The following DNAH7 variants were observed in gnomAD, a reference collection of about 807,000 sequenced individuals.
The protein encoded by DNAH7 is axonemal beta dynein heavy chain 7.
A neutral mutation model predicts 444.6 loss-of-function variants in DNAH7; 397 were observed. The observed-to-expected ratio is 0.89, with a 90% CI of 0.82 to 0.97. The LOEUF (loss-of-function observed/expected upper bound fraction) is 0.97. DNAH7 is among the 50% of genes least tolerant of loss of function. The pLI, the probability that DNAH7 is intolerant of heterozygous loss-of-function variation, is 0.00. For synonymous variants in DNAH7, 1,636 were observed against 1,624.4 expected (o/e 1.01, Z -0.17); for missense variants, 4,902 against 4,800.8 (o/e 1.02, Z -0.62).
chr2:195,782,336 A>C (rs1242983120), intron 58 of DNAH7, among the ~76,000 whole-genome samples: 1 of 152,200 alleles, frequency 6.6e-6, no homozygotes, highest in Non-Finnish European at 1.5e-5. Context: ...ACATGACTCA[A>C]GTATAGCAGT....
Position 195,857,735 on chromosome 2 carries a change from A to T in DNAH7, c.8068-12T>A. ...ACCACTGTAATATCCTTGAAATAACAACGTTAATTATTTTAAAAGACATGT... is the reference window on the plus strand; with the variant it reads ...ACCACTGTAATATCCTTGAAATAACTACGTTAATTATTTTAAAAGACATGT... On this transcript the variant is annotated splice_polypyrimidine_tract_variant and intron_variant, in intron 43 of 64. Transcript: ENST00000312428. 2 of 1,551,480 alleles carry T rather than the reference A, an allele frequency of 1.3e-6. No homozygotes were observed. The highest frequency in any genetic ancestry group is 1.7e-6 in the Non-Finnish European group (2 of 1,150,752).
intron 40 of DNAH7, among the ~76,000 whole-genome samples, chr2:195,865,908 A>G (rs1236567762): frequency 6.6e-6 from 1 of 152,190 alleles, no homozygotes; most frequent in East Asian, 1.9e-4. Flanking sequence ...TCTGTTGGGC[A>G]GCCCTTATAT....
chr2:196,024,599 TTTAAA>T (rs1428812769), intron 7 of DNAH7, 95 bp from the exon 8 acceptor site: 1 of 647,026 alleles, frequency 1.5e-6, no homozygotes, highest in Non-Finnish European at 2.4e-6. Context: ...AGATTAACTG[TTTAAA>T]TTATATTAAA....
intron 35 of DNAH7, 30 bp from the exon 36 acceptor site, chr2:195,882,022 T>C (rs1254029151): frequency 2.5e-6 from 4 of 1,581,102 alleles, no homozygotes; most frequent in Middle Eastern, 1.8e-4. Context: ...AAGTAATGAA[T>C]GCTATAAAAT....
intron 19 of DNAH7, among the ~76,000 whole-genome samples, chr2:195,956,470 G>C (rs1364350679): frequency 6.6e-6 from 1 of 152,078 alleles, no homozygotes; most frequent in Non-Finnish European, 1.5e-5. Context: ...GGCCAACATG[G>C]TGAAACCCCA....
At chr2:195,779,601 T>C (rs16839887) in intron 58 of DNAH7, among the ~76,000 whole-genome samples, 23,400 of 151,968 alleles carry the variant, frequency 0.15, 2,192 homozygotes, top group African/African-American at 0.25. Context: ...ATTAAAGTAT[T>C]GTAGGGTTTT....
chr2:195,954,260 G>A (rs1248784249), intron 19 of DNAH7, among the ~76,000 whole-genome samples: 1 of 152,076 alleles, frequency 6.6e-6, no homozygotes, highest in African/African-American at 2.4e-5. Context: ...TCCCACCTAT[G>A]AGTGAGAACA....
intron 18 of DNAH7, among the ~76,000 whole-genome samples, chr2:195,958,971 A>C (rs1056603392): frequency 1.5e-4 from 23 of 152,124 alleles, no homozygotes; most frequent in Non-Finnish European, 4.4e-5. Context: ...ATTAATAGCA[A>C]CTTCGTTTGA....
At chr2:195,748,043 T>G (rs951914287) in intron 63 of DNAH7, among the ~76,000 whole-genome samples, 1 of 152,118 alleles carries the variant, frequency 6.6e-6, no homozygotes, top group African/African-American at 2.4e-5. Context: ...GGAAGTGAAA[T>G]TGTCCCTGTT....
chr2:195,899,827 C>T (rs1329135362), intron 28 of DNAH7, among the ~76,000 whole-genome samples: 2 of 152,104 alleles, frequency 1.3e-5, no homozygotes, highest in Non-Finnish European at 2.9e-5. Context: ...TCATATATTA[C>T]AGTTATAATT....
At chr2:195,867,158 C>T (rs750113536) in intron 40 of DNAH7, among the ~76,000 whole-genome samples, 1 of 152,136 alleles carries the variant, frequency 6.6e-6, no homozygotes, top group African/African-American at 2.4e-5. Flanking sequence ...AGAATTTTGG[C>T]ACACAGTTAT....
intron 37 of DNAH7, 119 bp from the exon 38 acceptor site, chr2:195,875,962 T>C (rs997479450): frequency 1.1e-6 from 1 of 901,622 alleles, no homozygotes; most frequent in South Asian, 2.8e-5. Flanking sequence ...TATGAGGAAG[T>C]GATGGTTTCT....
At position 195,798,700 on chromosome 2, in the gene DNAH7, C is replaced by T. The variant is rs188254947; in HGVS notation, c.10353+596G>A. ...CTGGGACTACAGGCGTCTGCAACCA[C>T]GCCCAGCTAATTTTTTTTTGTATTT... is the stretch of plus-strand genomic sequence containing the variant. On this transcript the variant is annotated intron_variant, in intron 55 of 64. Coordinates refer to ENST00000312428, the MANE Select transcript of DNAH7 (RefSeq NM_018897.3). 7.9e-5 allele frequency among the ~76,000 whole-genome samples: 12 copies of T among 151,912 alleles called. 1 individual carries two copies. In the East Asian group the frequency reaches 1.2e-3, roughly 15 times the overall value.
At chr2:195,742,775 A>G (rs1400713033) in intron 63 of DNAH7, among the ~76,000 whole-genome samples, 4 of 152,198 alleles carry the variant, frequency 2.6e-5, no homozygotes, top group Non-Finnish European at 5.9e-5. Flanking sequence ...AGTGCTGTCA[A>G]CTGGTGACTG....
At chr2:195,812,959 T>C (rs1231988246) in intron 51 of DNAH7, among the ~76,000 whole-genome samples, 5 of 152,340 alleles carry the variant, frequency 3.3e-5, no homozygotes, top group African/African-American at 1.2e-4. Flanking sequence ...AAAAAAAAGA[T>C]TAAATAGGAC....
At chr2:196,038,432 T>C (rs1696529438) in intron 5 of DNAH7, among the ~76,000 whole-genome samples, 2 of 152,096 alleles carry the variant, frequency 1.3e-5, no homozygotes, top group East Asian at 3.9e-4. Context: ...AAAGGCCATA[T>C]AAAACAACCA....
At chr2:195,986,939 G>T in intron 14 of DNAH7, 127 bp downstream of exon 14, 1 of 885,628 alleles carries the variant, frequency 1.1e-6, no homozygotes, top group Non-Finnish European at 1.6e-6. Context: ...GCAGAAATAA[G>T]TTTAGCATAA....
At chr2:195,839,170 A>G (rs901503081) in intron 47 of DNAH7, among the ~76,000 whole-genome samples, 1 of 151,906 alleles carries the variant, frequency 6.6e-6, no homozygotes, top group Admixed American at 6.6e-5. Flanking sequence ...ATACAATGAT[A>G]GTCTGAAAAT....
intron 24 of DNAH7, among the ~76,000 whole-genome samples, chr2:195,913,929 T>C (rs1169789887): frequency 6.6e-6 from 1 of 152,228 alleles, no homozygotes; most frequent in Non-Finnish European, 1.5e-5. Context: ...TTGGCCAGGC[T>C]GGTCTCAATC....
Sources: allele counts gnomAD v4.1 joint callset (sites outside exome capture counted in the v4.1 genomes callset), GRCh38; gene constraint gnomAD v4.1.1; transcripts MANE v1.5; gene names NCBI Gene and HGNC (gene_info 2026-07-23, HGNC 2026-07-21).